The following LRP1B variants were observed in gnomAD, a reference collection of about 807,000 sequenced individuals.
LRP1B encodes low-density lipoprotein receptor-related protein 1B.
In LRP1B, 217 loss-of-function variants were observed where a neutral mutation model predicts 556.6. The ratio of observed to expected loss-of-function variants is 0.39; its 90% confidence interval spans 0.35 to 0.44. The LOEUF (loss-of-function observed/expected upper bound fraction) is 0.44, where lower values mean the gene tolerates loss of function less well. Among genes scored for constraint, LRP1B ranks in the 20% least tolerant of loss-of-function variants. The pLI is 1.00. For missense variants in LRP1B, 5,053 were observed against 5,620.8 expected (o/e 0.90, Z 3.23); for synonymous variants, 2,047 against 1,865.8 (o/e 1.10, Z -2.50).
At chr2:140,810,100 C>T (rs904273092) in intron 32 of LRP1B, among the ~76,000 whole-genome samples, 1 of 152,150 alleles carries the variant, frequency 6.6e-6, no homozygotes, top group East Asian at 1.9e-4. Context: ...CAAATAATTG[C>T]TTTATTTTGA....
At chr2:141,759,243 C>T (rs906491589) in intron 2 of LRP1B, among the ~76,000 whole-genome samples, 2 of 152,168 alleles carry the variant, frequency 1.3e-5, no homozygotes, top group Admixed American at 6.5e-5. Flanking sequence ...AATAAAATTA[C>T]AAAGAATACA....
rs1265199740 is a variant in LRP1B, at chr2:140,940,035, C to T, written c.3136+10200G>A. Among the ~76,000 whole-genome samples, 4 of 151,748 alleles carry T rather than the reference C, an allele frequency of 2.6e-5. No individual in the cohort carries two copies. In the South Asian group the frequency reaches 6.2e-4, roughly 24 times the overall value. Reference sequence around the variant, plus strand: ...AGAGTAGCTGAGACTACAGCTGTGCCACCATAGCTAGCTAATTTTTGTATT... The same window carrying T: ...AGAGTAGCTGAGACTACAGCTGTGCTACCATAGCTAGCTAATTTTTGTATT... On this transcript the variant is annotated intron_variant, in intron 20 of 90. Coordinates refer to ENST00000389484, the MANE Select transcript of LRP1B (RefSeq NM_018557.3).
intron 41 of LRP1B, among the ~76,000 whole-genome samples, chr2:140,694,779 T>C (rs1165926218): frequency 6.6e-6 from 1 of 152,140 alleles, no homozygotes; most frequent in Non-Finnish European, 1.5e-5. Flanking sequence ...AATTAATTTC[T>C]TATTAATGAA....
At chr2:141,956,135 T>TA (rs1343630056) in intron 1 of LRP1B, among the ~76,000 whole-genome samples, 9 of 151,964 alleles carry the variant, frequency 5.9e-5, no homozygotes, top group African/African-American at 2.2e-4. Flanking sequence ...AGGAATTGAA[T>TA]TTTTTTTGAG....
At chr2:141,348,608 A>G (rs1688337586) in intron 3 of LRP1B, among the ~76,000 whole-genome samples, 1 of 152,082 alleles carries the variant, frequency 6.6e-6, no homozygotes, top group Non-Finnish European at 1.5e-5. Context: ...TTGTTTATGT[A>G]GTAATATTAA....
intron 2 of LRP1B, among the ~76,000 whole-genome samples, chr2:141,625,233 C>T (rs6758460): frequency 0.33 from 50,055 of 152,004 alleles, 8,846 homozygotes; most frequent in East Asian, 0.53. Flanking sequence ...CAATAAGACA[C>T]CAATACAATG....
chr2:140,967,588 T>C (rs1477731685), intron 18 of LRP1B, among the ~76,000 whole-genome samples: 21 of 151,686 alleles, frequency 1.4e-4, no homozygotes, highest in Admixed American at 1.1e-3. Flanking sequence ...TGAATAGGAG[T>C]GGTGAGAGAG....
intron 29 of LRP1B, among the ~76,000 whole-genome samples, chr2:140,846,780 A>G (rs1399469778): frequency 6.6e-6 from 1 of 152,136 alleles, no homozygotes. Flanking sequence ...AAAGGTTTCC[A>G]CAGAGTCATT....
intron 35 of LRP1B, among the ~76,000 whole-genome samples, chr2:140,740,657 A>G (rs191551920): frequency 2.0e-5 from 3 of 152,158 alleles, no homozygotes; most frequent in African/African-American, 7.2e-5. Context: ...AAACCTATGG[A>G]AAAAGAAAAA....
At chr2:140,532,193 A>G (rs1690724786) in intron 47 of LRP1B, among the ~76,000 whole-genome samples, 1 of 152,124 alleles carries the variant, frequency 6.6e-6, no homozygotes, top group Admixed American at 6.6e-5. Flanking sequence ...AAATCTTATT[A>G]TTATAGGTTT....
At chr2:140,522,885 G>A (rs1338573187) in intron 49 of LRP1B, among the ~76,000 whole-genome samples, 1 of 151,828 alleles carries the variant, frequency 6.6e-6, no homozygotes, top group Non-Finnish European at 1.5e-5. Context: ...TTCTAAAACT[G>A]AATCAGTAAT....
rs140286754 is a variant in LRP1B, at chr2:140,750,532, A to G, written c.5758+18681T>C. Reference sequence around the variant, plus strand: ...GCTTTGAGTAAGATCACTTTGAGTAAGTAGATGACTTTCCAGTGTAGAGAA... The same window carrying G: ...GCTTTGAGTAAGATCACTTTGAGTAGGTAGATGACTTTCCAGTGTAGAGAA... On this transcript the variant is annotated intron_variant, in intron 35 of 90. Transcript: ENST00000389484. Among the ~76,000 whole-genome samples, 14 of 152,338 alleles carry G rather than the reference A, an allele frequency of 9.2e-5. No homozygotes were observed. The East Asian group carries it at 2.7e-3, about 29-fold the overall frequency.
At chr2:141,158,309 C>T (rs1407333918) in intron 7 of LRP1B, among the ~76,000 whole-genome samples, 1 of 152,098 alleles carries the variant, frequency 6.6e-6, no homozygotes, top group African/African-American at 2.4e-5. Context: ...TCAAGAGCAG[C>T]TGAACTCAAA....
At chr2:141,342,297 A>G (rs2105519083) in intron 3 of LRP1B, among the ~76,000 whole-genome samples, 1 of 150,780 alleles carries the variant, frequency 6.6e-6, no homozygotes, top group East Asian at 1.9e-4. Flanking sequence ...AAATAAATAA[A>G]TAAAAGGTAT....
intron 7 of LRP1B, among the ~76,000 whole-genome samples, chr2:141,162,165 C>T (rs1257775846): frequency 6.6e-6 from 1 of 152,104 alleles, no homozygotes; most frequent in African/African-American, 2.4e-5. Context: ...AGGATTACAA[C>T]TTAAAATGTT....
chr2:140,885,886 T>C (rs1005280547), intron 24 of LRP1B, among the ~76,000 whole-genome samples: 6 of 150,090 alleles, frequency 4.0e-5, no homozygotes, highest in Non-Finnish European at 5.9e-5. Flanking sequence ...TTCTTGTAAA[T>C]GCATTTCTTT....
At chr2:140,509,803 A>G in intron 52 of LRP1B, 125 bp downstream of exon 52, 2 of 1,321,370 alleles carry the variant, frequency 1.5e-6, no homozygotes, top group South Asian at 3.0e-5. Flanking sequence ...TAAGTCCAAT[A>G]CTACCTATGG....
rs570682621 is a variant in LRP1B at position 140,270,940 on chromosome 2, TA to T, written c.13143-595del. ...CATAAAAAAATCATGGAGTAGTTCA[TA>T]AAAAAACAGTTATGTTATAGGAACA... On this transcript the variant is annotated intron_variant, in intron 85 of 90. Coordinates refer to ENST00000389484, the MANE Select transcript of LRP1B (RefSeq NM_018557.3). Among the ~76,000 whole-genome samples the T allele has an allele frequency of 1.8e-4, 28 of 151,960 alleles. 1 individual carries two copies. The South Asian group carries it at 5.6e-3, about 30-fold the overall frequency.
intron 2 of LRP1B, among the ~76,000 whole-genome samples, chr2:141,637,731 C>T (rs925003535): frequency 4.6e-5 from 7 of 152,248 alleles, no homozygotes; most frequent in East Asian, 3.9e-4. Flanking sequence ...TACATGCTTA[C>T]GCTGTGGCAT....
Sources: allele counts gnomAD v4.1 joint callset (sites outside exome capture counted in the v4.1 genomes callset), GRCh38; gene constraint gnomAD v4.1.1; transcripts MANE v1.5; gene names NCBI Gene and HGNC (gene_info 2026-07-23, HGNC 2026-07-21).